Variants in IL1RAPL1 observed in about 807,000 individuals in gnomAD.
The protein encoded by IL1RAPL1 is interleukin-1 receptor accessory protein-like 1.
In IL1RAPL1, 3 loss-of-function variants were observed where a neutral mutation model predicts 48.4. The ratio of observed to expected loss-of-function variants is 0.06; its 90% CI spans 0.03 to 0.16. The LOEUF is 0.16. Among genes scored for constraint, IL1RAPL1 ranks in the 10% least tolerant of loss-of-function variants. The pLI is 1.00. For synonymous variants in IL1RAPL1, 185 were observed against 187.7 expected (o/e 0.99, Z 0.12); for missense variants, 349 against 530.6 (o/e 0.66, Z 3.36).
intron 5 of IL1RAPL1, among the ~76,000 whole-genome samples, chrX:29,629,183 C>T (rs1246945642): frequency 8.9e-6 from 1 of 111,774 alleles, no homozygotes; most frequent in Non-Finnish European, 1.9e-5. Context: ...AATCAAATAA[C>T]TCCCTGACAG....
intron 2 of IL1RAPL1, among the ~76,000 whole-genome samples, chrX:28,845,656 A>G (rs1222463526): frequency 1.8e-5 from 2 of 111,542 alleles, no homozygotes; most frequent in African/African-American, 6.6e-5. Context: ...TTTCATCTGA[A>G]CAATACAAGG....
At chrX:29,463,867 C>T (rs1043515996) in intron 5 of IL1RAPL1, among the ~76,000 whole-genome samples, 2 of 111,437 alleles carry the variant, frequency 1.8e-5, no homozygotes, top group African/African-American at 6.5e-5. Flanking sequence ...GTCCCGTGAC[C>T]ACCATGTTGT....
chrX:29,645,449 G>A (rs1925290098), intron 5 of IL1RAPL1, among the ~76,000 whole-genome samples: 1 of 111,244 alleles, frequency 9.0e-6, no homozygotes. Flanking sequence ...TGTCTGCTTG[G>A]GGGAAAGAGA....
At chrX:29,081,018 CTCTTTCT>C (rs760028563) in intron 2 of IL1RAPL1, among the ~76,000 whole-genome samples, 955 of 54,136 alleles carry the variant, frequency 0.018, 55 homozygotes, top group Non-Finnish European at 0.025. Flanking sequence ...CTCTCTCTCT[CTCTTTCT>C]TTTCTTTTCT....
chrX:29,000,245 G>C (rs1925819635), intron 2 of IL1RAPL1, among the ~76,000 whole-genome samples: 1 of 111,788 alleles, frequency 8.9e-6, no homozygotes, highest in East Asian at 2.8e-4. Context: ...ATTTTGACTA[G>C]AAAAAGGATT....
chrX:28,863,538 A>G (rs1015983048), intron 2 of IL1RAPL1, among the ~76,000 whole-genome samples: 1 of 110,385 alleles, frequency 9.1e-6, no homozygotes, highest in African/African-American at 3.3e-5. Flanking sequence ...ACGTAGAGCC[A>G]TGTCTGCATG....
intron 1 of IL1RAPL1, among the ~76,000 whole-genome samples, chrX:28,615,210 T>G (rs865965434): frequency 7.3e-5 from 5 of 68,117 alleles, no homozygotes; most frequent in East Asian, 6.3e-4. Context: ...TTTTTTTTTT[T>G]TTTTTTTTTT....
chrX:28,975,686 A>G (rs1020678310), intron 2 of IL1RAPL1, among the ~76,000 whole-genome samples: 1 of 112,264 alleles, frequency 8.9e-6, no homozygotes, highest in Non-Finnish European at 1.9e-5. Context: ...ACCCTCATGG[A>G]AAATGTTTTC....
intron 5 of IL1RAPL1, among the ~76,000 whole-genome samples, chrX:29,565,477 A>T (rs1922369842): frequency 8.9e-6 from 1 of 112,113 alleles, no homozygotes; most frequent in Non-Finnish European, 1.9e-5. Flanking sequence ...TGAACAAATG[A>T]CCTAATAGAA....
chrX:29,120,691 A>G (rs1243400923), intron 2 of IL1RAPL1, among the ~76,000 whole-genome samples: 5 of 111,336 alleles, frequency 4.5e-5, no homozygotes, highest in African/African-American at 1.6e-4. Context: ...AATCTCTACA[A>G]TGTCTTCCAG....
chrX:29,060,269 A>G (rs748558320), intron 2 of IL1RAPL1, among the ~76,000 whole-genome samples: 2 of 111,900 alleles, frequency 1.8e-5, no homozygotes, highest in South Asian at 3.7e-4. Flanking sequence ...TAGTAAGCAC[A>G]ATAGAAGTAA....
rs764414188 is a variant in IL1RAPL1, at chrX:29,416,463, G to A, written c.703+17155G>A. ...AGGCATGAGAATCACTTGAACTTGG[G>A]GGGGCAGAGGTTGCAGTGAGCCAAA... On this transcript the variant is annotated intron_variant, in intron 5 of 10. Coordinates refer to ENST00000378993, the MANE Select transcript of IL1RAPL1 (RefSeq NM_014271.4). 2.5e-4 allele frequency among the ~76,000 whole-genome samples: 28 copies of A among 111,055 alleles called. No homozygotes were observed. In the South Asian group the frequency reaches 0.011, roughly 42 times the overall value.
At chrX:29,606,681 A>G (rs1327054727) in intron 5 of IL1RAPL1, among the ~76,000 whole-genome samples, 1 of 112,106 alleles carries the variant, frequency 8.9e-6, no homozygotes, top group East Asian at 2.8e-4. Flanking sequence ...ATTTATTTTC[A>G]GAGTAAATTC....
At chrX:29,300,450 T>A (rs1932515833) in intron 3 of IL1RAPL1, among the ~76,000 whole-genome samples, 1 of 112,386 alleles carries the variant, frequency 8.9e-6, no homozygotes, top group Non-Finnish European at 1.9e-5. Context: ...CACTCTATAG[T>A]TACTGTTTGA....
At chrX:29,141,559 A>C (rs73210087) in intron 2 of IL1RAPL1, among the ~76,000 whole-genome samples, 22,811 of 111,015 alleles carry the variant, frequency 0.21, 2,035 homozygotes, top group African/African-American at 0.33. Flanking sequence ...TATATTCTTT[A>C]TGTAAATGAG....
chrX:29,496,570 G>A (rs1215927575), intron 5 of IL1RAPL1, among the ~76,000 whole-genome samples: 1 of 104,359 alleles, frequency 9.6e-6, no homozygotes, highest in African/African-American at 3.5e-5. Context: ...GTGAGCAGAT[G>A]CCAGCACCAC....
intron 5 of IL1RAPL1, among the ~76,000 whole-genome samples, chrX:29,550,238 C>T (rs949614261): frequency 2.9e-4 from 32 of 111,357 alleles, no homozygotes; most frequent in African/African-American, 9.8e-4. Context: ...GTCGCCCAGG[C>T]TGGAGTGCAG....
At chrX:28,876,830 TTC>T (rs760173390) in intron 2 of IL1RAPL1, among the ~76,000 whole-genome samples, 3 of 111,996 alleles carry the variant, frequency 2.7e-5, no homozygotes, top group Non-Finnish European at 5.6e-5. Context: ...GTGTTAATTA[TTC>T]TCTCTGTCCT....
chrX:28,930,564 T>G (rs1453712696), intron 2 of IL1RAPL1, among the ~76,000 whole-genome samples: 5 of 112,586 alleles, frequency 4.4e-5, no homozygotes, highest in African/African-American at 1.6e-4. Flanking sequence ...AAAAATTAAC[T>G]TCTAAGAATA....
Sources: allele counts gnomAD v4.1 joint callset (sites outside exome capture counted in the v4.1 genomes callset), GRCh38; gene constraint gnomAD v4.1.1; transcripts MANE v1.5; gene names NCBI Gene and HGNC (gene_info 2026-07-23, HGNC 2026-07-21).